The following EYS variants were observed in gnomAD, a reference collection of about 807,000 sequenced individuals.
EYS encodes the protein protein eyes shut homolog.
A neutral mutation model predicts 282.1 loss-of-function variants in EYS; 250 were observed. The observed-to-expected ratio is 0.89, with a 90% CI of 0.80 to 0.98. The LOEUF is 0.98. Ranked by LOEUF, EYS falls within the 50% of genes least tolerant of loss-of-function variation. The pLI, the probability that EYS is intolerant of heterozygous loss-of-function variation, is 0.00. For synonymous variants in EYS, 1,355 were observed against 1,282.9 expected, an observed-to-expected ratio of 1.06 and a Z score of -1.20; for missense variants, 4,016 against 3,709.0, an observed-to-expected ratio of 1.08 and a Z score of -2.15.
chr6:63,771,286 GA>G (rs1275138122), intron 40 of EYS, among the ~76,000 whole-genome samples: 1 of 151,976 alleles, frequency 6.6e-6, no homozygotes, highest in African/African-American at 2.4e-5. Flanking sequence ...AGATCAGTTG[GA>G]AAAAAGCAAA....
At chr6:64,837,524 AAG>A (rs1765419794) in intron 19 of EYS, among the ~76,000 whole-genome samples, 1 of 150,732 alleles carries the variant, frequency 6.6e-6, no homozygotes, top group Non-Finnish European at 1.5e-5. Flanking sequence ...AAAATGAAAA[AAG>A]AGTAAGTCAA....
At chr6:64,600,426 A>G (rs1346200594) in intron 24 of EYS, among the ~76,000 whole-genome samples, 1 of 152,100 alleles carries the variant, frequency 6.6e-6, no homozygotes, top group Non-Finnish European at 1.5e-5. Flanking sequence ...ACCCATAATA[A>G]TAAAAAAACT....
At chr6:64,253,253 A>G (rs1767281459) in intron 30 of EYS, among the ~76,000 whole-genome samples, 1 of 152,174 alleles carries the variant, frequency 6.6e-6, no homozygotes, top group Non-Finnish European at 1.5e-5. Flanking sequence ...TGCTAGAGTA[A>G]GGCACAAAAT....
intron 31 of EYS, among the ~76,000 whole-genome samples, chr6:64,122,312 C>T (rs1045994804): frequency 4.6e-5 from 7 of 151,978 alleles, no homozygotes; most frequent in African/African-American, 1.5e-4. Flanking sequence ...TGAAATCTTC[C>T]CTGGAAGAAT....
intron 39 of EYS, 159 bp from the exon 40 acceptor site, chr6:63,778,339 T>G (rs1370412496): frequency 2.6e-5 from 20 of 759,164 alleles, no homozygotes; most frequent in Non-Finnish European, 3.9e-5. Flanking sequence ...GCAGAGAAAT[T>G]TTTTTTTAAA....
chr6:64,889,278 G>C (rs553603605), intron 18 of EYS, among the ~76,000 whole-genome samples: 8 of 151,828 alleles, frequency 5.3e-5, no homozygotes, highest in African/African-American at 1.7e-4. Context: ...TTACTTACTT[G>C]TTGCATAAGT....
intron 28 of EYS, among the ~76,000 whole-genome samples, chr6:64,414,388 G>C (rs532144373): frequency 6.6e-6 from 1 of 152,188 alleles, no homozygotes; most frequent in East Asian, 1.9e-4. Flanking sequence ...TATACATAAA[G>C]ATGTGGCAAG....
At chr6:64,597,162 G>T (rs1038219866) in intron 24 of EYS, among the ~76,000 whole-genome samples, 6 of 152,118 alleles carry the variant, frequency 3.9e-5, no homozygotes, top group Non-Finnish European at 8.8e-5. Flanking sequence ...AAACTGCAAT[G>T]AGATATTATC....
chr6:65,377,180 C>A (rs1192061729), intron 8 of EYS, among the ~76,000 whole-genome samples: 2 of 152,140 alleles, frequency 1.3e-5, no homozygotes, highest in Non-Finnish European at 2.9e-5. Flanking sequence ...AAAACAGCCT[C>A]TTAGACCACA....
chr6:64,046,056 G>A (rs1770612720), intron 33 of EYS, among the ~76,000 whole-genome samples: 1 of 146,360 alleles, frequency 6.8e-6, no homozygotes, highest in Non-Finnish European at 1.5e-5. Flanking sequence ...CATAATATAT[G>A]TATTATATTT....
At chr6:65,385,714 C>A (rs76904480) in intron 7 of EYS, among the ~76,000 whole-genome samples, 1 of 151,880 alleles carries the variant, frequency 6.6e-6, no homozygotes, top group African/African-American at 2.4e-5. Context: ...ACTTTAAGTG[C>A]ATTATTTTAC....
intron 12 of EYS, among the ~76,000 whole-genome samples, chr6:65,271,409 A>G (rs1767901025): frequency 6.6e-6 from 1 of 151,548 alleles, no homozygotes; most frequent in Non-Finnish European, 1.5e-5. Context: ...ATTCTATTCA[A>G]GCTCTCAACA....
chr6:65,610,898 T>C (rs1016237598), intron 2 of EYS, among the ~76,000 whole-genome samples: 3 of 152,096 alleles, frequency 2.0e-5, no homozygotes, highest in Admixed American at 6.6e-5. Context: ...CTCAATAATG[T>C]TAATATTCCC....
At chr6:64,253,878 A>C (rs1767305318) in intron 30 of EYS, among the ~76,000 whole-genome samples, 1 of 152,032 alleles carries the variant, frequency 6.6e-6, no homozygotes, top group Non-Finnish European at 1.5e-5. Flanking sequence ...CTATCTTAAC[A>C]TGTCCTGTGT....
chr6:65,659,204 T>C (rs867429142), intron 1 of EYS, among the ~76,000 whole-genome samples: 3 of 151,680 alleles, frequency 2.0e-5, no homozygotes, highest in Non-Finnish European at 3.0e-5. Context: ...TTAACTTCCT[T>C]TATTATTTGC....
chr6:65,448,146 A>G (rs144842965), intron 5 of EYS, among the ~76,000 whole-genome samples: 154 of 152,122 alleles, frequency 1.0e-3, no homozygotes, highest in African/African-American at 3.6e-3. Flanking sequence ...AGTACTCCCT[A>G]GTATTTGCAA....
At position 64,550,343 on chromosome 6, in the gene EYS, A is replaced by T. The variant is rs902344710; in HGVS notation, c.5644+39880T>A. On this transcript the variant is annotated intron_variant, in intron 26 of 42. Coordinates refer to ENST00000503581, the MANE Select transcript of EYS (RefSeq NM_001142800.2). ...TTCCATAATGGTTGAACTTGTTTAC[A>T]GACCCACCAACAGTGTAAAAGTGTT... Among the ~76,000 whole-genome samples, 335 of 152,328 alleles carry T rather than the reference A, an allele frequency of 2.2e-3. 1 individual carries two copies. The highest frequency in any genetic ancestry group is 7.7e-3 in the African/African-American group (320 of 41,576).
intron 41 of EYS, among the ~76,000 whole-genome samples, chr6:63,747,519 T>A (rs1769239482): frequency 6.6e-6 from 1 of 152,162 alleles, no homozygotes; most frequent in Non-Finnish European, 1.5e-5. Context: ...TTCTGTCTTG[T>A]TGATCTGTCT....
At chr6:64,528,362 T>C (rs536781569) in intron 26 of EYS, among the ~76,000 whole-genome samples, 2 of 151,970 alleles carry the variant, frequency 1.3e-5, no homozygotes, top group East Asian at 1.9e-4. Context: ...TCTTATTACA[T>C]AGTCTCCTTT....
Sources: gnomAD v4.1 joint callset for allele counts (sites outside exome capture counted in the v4.1 genomes callset) on GRCh38, gnomAD v4.1.1 for gene constraint, MANE v1.5 for transcripts, NCBI Gene and HGNC (gene_info 2026-07-23, HGNC 2026-07-21) for gene names.